Variants in BRPF3 observed in about 807,000 individuals in gnomAD.
The protein encoded by BRPF3 is bromodomain and PHD finger containing 3.
In BRPF3, 18 loss-of-function variants were observed where a neutral mutation model predicts 102.0. The observed-to-expected ratio is 0.18, with a 90% CI of 0.12 to 0.26. The LOEUF is 0.26. Among genes scored for constraint, BRPF3 ranks in the 10% least tolerant of loss-of-function variants. The pLI is 1.00. For missense variants in BRPF3, 1,147 were observed against 1,567.8 expected, an observed-to-expected ratio of 0.73 and a Z score of 4.53; for synonymous variants, 570 against 614.2, an observed-to-expected ratio of 0.93 and a Z score of 1.06.
intron 10 of BRPF3, 135 bp from the exon 11 acceptor site, chr6:36,225,132 G>C (rs183218143): frequency 9.5e-4 from 616 of 650,806 alleles, no homozygotes; most frequent in Non-Finnish European, 1.1e-3. Context: ...GGAAAGGAGA[G>C]GGAAAAGGAA....
In BRPF3 at chr6:36,201,112, T is replaced by A. The variant is rs760376981; in HGVS notation, c.790T>A (p.Ser264Thr). 1 of 1,614,112 alleles carries A rather than the reference T, an allele frequency of 6.2e-7. No homozygotes were observed. Among genetic ancestry groups the A allele is most frequent in the South Asian group, 1.1e-5 (1 of 91,082 alleles). ...ATGCCGCTGCTGCCTGCAGTCTCCC[T>A]CCCGGCCTGTGGATTGCATCCTTTG... ...WLCRCCLQSPSRPVDCILCPN... is the reference protein window; with the variant it reads ...WLCRCCLQSPTRPVDCILCPN... Residue 264 changes from serine to threonine, a missense_variant, in exon 2 of 13, where the codon TCC (serine) becomes ACC (threonine). Physicochemically the swap from Ser to Thr is moderately conservative, Grantham distance 58 (BLOSUM62 1). This residue lies in a region of BRPF3 where 221 missense variants were observed against 337.1 expected (regional missense o/e 0.66). Coordinates refer to ENST00000357641, the MANE Select transcript of BRPF3 (RefSeq NM_015695.3). The surrounding 1 kb of genome is among the most constrained non-coding windows in gnomAD (Gnocchi z 5.1).
At chr6:36,213,780 C>T in intron 7 of BRPF3, 100 bp from the exon 8 acceptor site, 1 of 1,240,438 alleles carries the variant, frequency 8.1e-7, no homozygotes, top group Middle Eastern at 2.0e-4. Flanking sequence ...AGCCTTATAA[C>T]AGCCAATGCT....
At chr6:36,229,496 C>G (rs1405072411) in intron 12 of BRPF3, among the ~76,000 whole-genome samples, 1 of 152,180 alleles carries the variant, frequency 6.6e-6, no homozygotes, top group Non-Finnish European at 1.5e-5. Context: ...CCTGAGGCTT[C>G]CATGGTGGAG....
intron 12 of BRPF3, among the ~76,000 whole-genome samples, chr6:36,229,594 G>C (rs954277206): frequency 6.6e-5 from 10 of 152,172 alleles, no homozygotes; most frequent in Non-Finnish European, 1.5e-4. Context: ...CGTCCTGAGG[G>C]GGGTTCTGGC....
chr6:36,204,167 C>T (rs766329454), intron 2 of BRPF3, among the ~76,000 whole-genome samples: 2 of 152,050 alleles, frequency 1.3e-5, no homozygotes, highest in Admixed American at 6.5e-5. Flanking sequence ...AAAAACCAGA[C>T]GTCAAACAAG....
At chr6:36,209,649 C>A in intron 4 of BRPF3, 138 bp from the exon 5 acceptor site, 1 of 1,039,672 alleles carries the variant, frequency 9.6e-7, no homozygotes, top group Non-Finnish European at 1.3e-6. Context: ...TGGGTGATAG[C>A]TTCTCATATA....
chr6:36,199,387 C>G (rs1767616090), intron 1 of BRPF3, among the ~76,000 whole-genome samples: 1 of 152,206 alleles, frequency 6.6e-6, no homozygotes. Context: ...CGAAACCAGT[C>G]CCTGGTGCCA....
chr6:36,214,760 T>C (rs1001951803), intron 8 of BRPF3, among the ~76,000 whole-genome samples: 4 of 152,152 alleles, frequency 2.6e-5, no homozygotes, highest in African/African-American at 7.2e-5. Flanking sequence ...TGCTCTCTTA[T>C]GGGGGAATAT....
intron 11 of BRPF3, among the ~76,000 whole-genome samples, chr6:36,227,935 G>A (rs921112949): frequency 2.6e-5 from 4 of 152,198 alleles, no homozygotes; most frequent in Admixed American, 6.5e-5. Context: ...CTGGGACAGC[G>A]TATAGGAAGT....
chr6:36,204,965 G>T, intron 3 of BRPF3, 151 bp downstream of exon 3: 1 of 954,012 alleles, frequency 1.0e-6, no homozygotes, highest in Non-Finnish European at 1.5e-6. Flanking sequence ...ACAACCCCCA[G>T]CACTACAGAG....
chr6:36,228,997 A>G lies in BRPF3; in HGVS notation c.3375A>G (p.Lys1125=), dbSNP rs1768841014. ...PLDVLKLGEQ[K]QAEAGEKLFL... is the part of the protein sequence containing the mutation. ...ACGTGCTGAAGCTGGGAGAGCAGAA[A>G]CAGGCAGAGGCTGGAGAGAAGCTCT... The change falls in exon 12 of 13, where the codon AAA becomes AAG. Residue 1125 remains lysine (K), a synonymous_variant. Coordinates refer to ENST00000357641, the MANE Select transcript of BRPF3 (RefSeq NM_015695.3). The G allele has an allele frequency of 6.2e-7, 1 of 1,614,116 alleles. No individual in the cohort carries two copies. The highest frequency in any genetic ancestry group is 8.5e-7 in the Non-Finnish European group (1 of 1,180,048).
chr6:36,228,862 G>A (rs1380659760), intron 11 of BRPF3, 40 bp from the exon 12 acceptor site: 2 of 1,610,412 alleles, frequency 1.2e-6, no homozygotes, highest in Non-Finnish European at 1.7e-6. Flanking sequence ...GCTCACCCTG[G>A]CCTCCCTCAC....
chr6:36,221,281 C>CT (rs35018880), intron 9 of BRPF3, among the ~76,000 whole-genome samples: 1,276 of 76,626 alleles, frequency 0.017, 5 homozygotes, highest in African/African-American at 0.021. Flanking sequence ...AATTGGTCTA[C>CT]TTTTTTTTTT....
chr6:36,218,414 G>A (rs948764299), intron 9 of BRPF3, among the ~76,000 whole-genome samples: 9 of 151,786 alleles, frequency 5.9e-5, no homozygotes, highest in African/African-American at 2.2e-4. Context: ...CTTTATAGAG[G>A]TGTGGTGTAG....
intron 9 of BRPF3, among the ~76,000 whole-genome samples, chr6:36,220,562 C>G (rs1768498531): frequency 6.6e-6 from 1 of 152,206 alleles, no homozygotes; most frequent in Admixed American, 6.5e-5. Flanking sequence ...GATGTCTCCC[C>G]AGATTCTTGA....
chr6:36,199,742 C>A (rs1442607753), intron 1 of BRPF3, among the ~76,000 whole-genome samples: 3 of 152,220 alleles, frequency 2.0e-5, no homozygotes, highest in Admixed American at 2.0e-4. Flanking sequence ...CCCCATGTTA[C>A]ACTGTAATAA....
chr6:36,219,119 C>T (rs1768437813), intron 9 of BRPF3, among the ~76,000 whole-genome samples: 1 of 152,112 alleles, frequency 6.6e-6, no homozygotes, highest in African/African-American at 2.4e-5. Context: ...GAAGTGCTTC[C>T]AAGGCAGACT....
In BRPF3 at chr6:36,231,830, G is replaced by A. The variant is rs2127300125; in HGVS notation, c.*1221G>A. 6.5e-6 allele frequency: 1 copy of A among 152,744 alleles called. No individual in the cohort carries two copies. Among genetic ancestry groups the A allele is most frequent in the Admixed American group, 6.5e-5 (1 of 15,294 alleles). 9.5% of individuals were successfully genotyped at this position (152,744 alleles called of 1,614,324 possible). ...GGAAGGAAAAAAAAACTGTGAATGGGGAATGCTGACTGACAAACCAACACA... is the reference window on the plus strand; with the variant it reads ...GGAAGGAAAAAAAAACTGTGAATGGAGAATGCTGACTGACAAACCAACACA... On this transcript the variant is annotated 3_prime_UTR_variant, in exon 13 of 13. Coordinates refer to ENST00000357641, the MANE Select transcript of BRPF3 (RefSeq NM_015695.3).
chr6:36,209,999 G>A (rs541137601), intron 5 of BRPF3, 84 bp downstream of exon 5: 2 of 1,563,730 alleles, frequency 1.3e-6, no homozygotes, highest in South Asian at 2.4e-5. Context: ...TTGGGCCACA[G>A]GGTGTACAAA....
Sources: allele counts gnomAD v4.1 joint callset (sites outside exome capture counted in the v4.1 genomes callset), GRCh38; gene constraint gnomAD v4.1.1; regional missense constraint gnomAD v4.1.1; non-coding constraint Gnocchi (gnomAD v3.1); transcripts MANE v1.5; gene names NCBI Gene and HGNC (gene_info 2026-07-23, HGNC 2026-07-21).